Variants in NLRP3 observed in about 807,000 individuals in gnomAD.
NLRP3 encodes the protein NLR family pyrin domain containing 3.
In NLRP3, 48 loss-of-function variants were observed where a neutral mutation model predicts 91.3. The observed-to-expected ratio is 0.53, with a 90% CI of 0.42 to 0.67. NLRP3 has a LOEUF of 0.67. Among genes scored for constraint, NLRP3 ranks in the 30% least tolerant of loss-of-function variants. The pLI is 0.00. For missense variants in NLRP3, 982 were observed against 1,276.9 expected (o/e 0.77, Z 3.52); for synonymous variants, 561 against 507.9 (o/e 1.10, Z -1.41).
intron 1 of NLRP3, among the ~76,000 whole-genome samples, chr1:247,417,479 T>A (rs1169543375): frequency 6.6e-6 from 1 of 152,154 alleles, no homozygotes. Flanking sequence ...TTTATTTTAT[T>A]TTATTCTATT....
chr1:247,421,462 A>G (rs1483661482), intron 2 of NLRP3, among the ~76,000 whole-genome samples: 1 of 152,202 alleles, frequency 6.6e-6, no homozygotes, highest in Non-Finnish European at 1.5e-5. Flanking sequence ...CTCTAAGTAA[A>G]TAAAGCAATT....
intron 3 of NLRP3, 62 bp downstream of exon 3, chr1:247,423,411 A>G: frequency 6.2e-7 from 1 of 1,601,370 alleles, no homozygotes; most frequent in Admixed American, 1.7e-5. Flanking sequence ...GGCTCTGGGA[A>G]GCTGAGCAGC....
chr1:247,418,563 A>C lies in NLRP3; in HGVS notation c.-238A>C, dbSNP rs1270726857. ...GTGATCTGCCTGCCTTGGCCTCTCA[A>C]AGTGCTGGGATTACAGGCGTGAGCC... On this transcript the variant is annotated 5_prime_UTR_variant, in exon 2 of 10. Transcript: ENST00000336119. 1.9e-6 allele frequency: 1 copy of C among 518,170 alleles called. No individual in the cohort carries two copies. Among genetic ancestry groups the C allele is most frequent in the Non-Finnish European group, 3.5e-6 (1 of 288,356 alleles). 32.1% of individuals were successfully genotyped at this position (518,170 alleles called of 1,614,324 possible).
In NLRP3 at chr1:247,424,620, AG is replaced by A; in HGVS notation, c.1174del (p.Ala392GlnfsTer5). ...FKYFSDEAQA[R>X]AAFSLIQENE... is the part of the protein sequence containing the mutation. Reference sequence around the variant, plus strand: ...GTACTTCTCTGATGAGGCCCAAGCCAGGGCAGCCTTCAGTCTGATTCAGGAG... The same window carrying A: ...GTACTTCTCTGATGAGGCCCAAGCCAGGCAGCCTTCAGTCTGATTCAGGAG... On this transcript the variant is annotated frameshift_variant, in exon 4 of 10. Coordinates refer to ENST00000336119, the MANE Select transcript of NLRP3 (RefSeq NM_001243133.2). LOFTEE classifies it high-confidence loss of function. The surrounding 1 kb of genome is among the most constrained non-coding windows in gnomAD (Gnocchi z 8.1). 2 of 1,614,256 alleles carry A rather than the reference AG, an allele frequency of 1.2e-6. No homozygotes were observed. Among genetic ancestry groups the A allele is most frequent in the Non-Finnish European group, 1.7e-6 (2 of 1,180,046 alleles).
At position 247,428,896 on chromosome 1, in the gene NLRP3, C is replaced by CTT. The variant is rs1174663389; in HGVS notation, c.2151-676_2151-675dup. Among the ~76,000 whole-genome samples the CTT allele has an allele frequency of 3.0e-3, 413 of 136,550 alleles. 6 individuals are homozygous for CTT. Among genetic ancestry groups the CTT allele is most frequent in the African/African-American group, 6.3e-3 (234 of 37,340 alleles). 89.6% of individuals were successfully genotyped at this position (136,550 alleles called of 152,430 possible). A position where few individuals can be genotyped will look rare whatever the true frequency, so the allele number is the denominator to read the frequency against. On this transcript the variant is annotated intron_variant, in intron 4 of 9. Coordinates refer to ENST00000336119, the MANE Select transcript of NLRP3 (RefSeq NM_001243133.2). ...GGCCTGGGCTTGCGATTTTCTTTTT[C>CTT]TTTTTTTTTTTTTTGAGATGAAGTC...
At chr1:247,443,899 A>C in intron 7 of NLRP3, 73 bp from the exon 8 acceptor site, 1 of 1,467,492 alleles carries the variant, frequency 6.8e-7, no homozygotes, top group South Asian at 1.2e-5. Flanking sequence ...AGGACGAGGC[A>C]CTGAGTCAAA....
At position 247,444,667 on chromosome 1, in the gene NLRP3, C is replaced by T. The variant is rs1664474153; in HGVS notation, c.2851C>T (p.Leu951Phe). 2.5e-6 allele frequency: 4 copies of T among 1,614,024 alleles called. No individual in the cohort carries two copies. The highest frequency in any genetic ancestry group is 3.4e-6 in the Non-Finnish European group (4 of 1,180,016). Residue 951 changes from leucine to phenylalanine, a missense_variant, in exon 9 of 10, where the codon CTC (leucine) becomes TTC (phenylalanine). Leu to Phe is a conservative substitution (Grantham distance 22). Around this residue, in one of 5 missense-constraint regions of NLRP3, gnomAD observed 373 missense variants for 431.5 expected, o/e 0.86. Transcript: ENST00000336119. ...TTTTTGCAGATTAGACAACTGCAAC[C>T]TCACGTCACACTGCTGCTGGGATCT... is the stretch of plus-strand genomic sequence containing the variant. ...LQVLELDNCN[L>F]TSHCCWDLST...
In NLRP3 at chr1:247,436,015, ATCAGTATTGAGCACCAG is replaced by A; in HGVS notation, c.2539_2555del (p.Ser847ProfsTer23). The stretch of plus-strand genomic sequence containing the variant: ...CATCAGCATGTTGTCAGGATCTTGC[ATCAGTATTGAGCACCAG>A]CCATTCCCTGACCAGACTCTATGTG... On this transcript the variant is annotated frameshift_variant, in exon 7 of 10. Transcript: ENST00000336119. LOFTEE classifies it high-confidence loss of function. 1 of 1,614,160 alleles carries A rather than the reference ATCAGTATTGAGCACCAG, an allele frequency of 6.2e-7. No individual in the cohort carries two copies. The highest frequency in any genetic ancestry group is 8.5e-7 in the Non-Finnish European group (1 of 1,180,016).
Position 247,424,611 on chromosome 1 carries a change from G to A in NLRP3, c.1162G>A (p.Ala388Thr), listed in dbSNP as rs1662726962. The A allele has an allele frequency of 6.2e-7, 1 of 1,614,110 alleles. No homozygotes were observed. The highest frequency in any genetic ancestry group is 8.5e-7 in the Non-Finnish European group (1 of 1,180,050). ...EYFFKYFSDE[A>T]QARAAFSLIQ... ...CTTCTTCAAGTACTTCTCTGATGAGGCCCAAGCCAGGGCAGCCTTCAGTCT... is the reference window on the plus strand; with the variant it reads ...CTTCTTCAAGTACTTCTCTGATGAGACCCAAGCCAGGGCAGCCTTCAGTCT... Residue 388 changes from alanine (A) to threonine (T), a missense_variant, in exon 4 of 10, where the codon GCC becomes ACC. Coordinates refer to ENST00000336119, the MANE Select transcript of NLRP3 (RefSeq NM_001243133.2). This position sits in a 1 kb window ranked among gnomAD's most constrained non-coding sequence, Gnocchi z 8.1.
intron 9 of NLRP3, among the ~76,000 whole-genome samples, chr1:247,447,718 AC>A (rs1474705655): frequency 6.6e-6 from 1 of 152,226 alleles, no homozygotes. Context: ...ATACAGTGAT[AC>A]TAAGAAATTA....
At chr1:247,430,260 G>A (rs6699944) in intron 5 of NLRP3, among the ~76,000 whole-genome samples, 26,982 of 152,112 alleles carry the variant, frequency 0.18, 2,394 homozygotes, top group Middle Eastern at 0.24. Context: ...TTCTGAGGCC[G>A]AAAGTCTAAG....
At chr1:247,435,185 G>A (rs780737022) in intron 6 of NLRP3, among the ~76,000 whole-genome samples, 3 of 152,098 alleles carry the variant, frequency 2.0e-5, no homozygotes, top group African/African-American at 4.8e-5. Context: ...GGGAGGCGGG[G>A]GTTGCAGTGA....
intron 6 of NLRP3, 89 bp downstream of exon 6, chr1:247,434,362 G>A (rs1663631470): frequency 1.4e-6 from 2 of 1,418,900 alleles, no homozygotes; most frequent in African/African-American, 1.4e-5. Context: ...GCTGGGGTTT[G>A]AGTGAGAATG....
chr1:247,426,403 G>A (rs942070470), intron 4 of NLRP3, among the ~76,000 whole-genome samples: 7 of 152,156 alleles, frequency 4.6e-5, no homozygotes, highest in Non-Finnish European at 1.0e-4. Flanking sequence ...TGGGTTTATC[G>A]TTCAGTGCCT....
intron 8 of NLRP3, 69 bp from the exon 9 acceptor site, chr1:247,444,582 T>C: frequency 1.3e-6 from 2 of 1,544,358 alleles, no homozygotes; most frequent in Non-Finnish European, 1.8e-6. Context: ...CAGGCTAAGA[T>C]GCTAAAATCT....
intron 2 of NLRP3, among the ~76,000 whole-genome samples, chr1:247,419,413 G>A (rs1018248798): frequency 2.0e-5 from 3 of 152,038 alleles, no homozygotes; most frequent in South Asian, 2.1e-4. Flanking sequence ...CCTCGGCCTC[G>A]CAAAGTGCTG....
chr1:247,430,849 C>T (rs1365018337), intron 5 of NLRP3, among the ~76,000 whole-genome samples: 2 of 151,858 alleles, frequency 1.3e-5, no homozygotes, highest in South Asian at 2.1e-4. Flanking sequence ...TTACTGCAGC[C>T]TCGACCTCCC....
chr1:247,425,658 G>A lies in NLRP3; in HGVS notation c.2150+59G>A, dbSNP rs3738447. ...GCTTCCTCGCCAGCTTCTTCTTGGC[G>A]CTTGCCTCCTCTCATCTCTTTTCAA... On this transcript the variant is annotated intron_variant, in intron 4 of 9. Transcript: ENST00000336119. This position sits in a 1 kb window ranked among gnomAD's most constrained non-coding sequence, Gnocchi z 4.1. 0.076 allele frequency: 115,019 copies of A among 1,509,452 alleles called. 5,911 individuals carry two copies. Among genetic ancestry groups the A allele is most frequent in the African/African-American group, 0.25 (18,422 of 73,140 alleles). 93.5% of individuals were successfully genotyped at this position (1,509,452 alleles called of 1,614,324 possible). A position where few individuals can be genotyped will look rare whatever the true frequency, so the allele number is the denominator to read the frequency against.
At chr1:247,433,906 T>G (rs113966299) in intron 5 of NLRP3, among the ~76,000 whole-genome samples, 197 bp from the exon 6 acceptor site, 932 of 21,636 alleles carry the variant, frequency 0.043, no homozygotes, top group African/African-American at 0.084. Context: ...TGTGTTCTGA[T>G]GCTTTCTCTA....
Sources: gnomAD v4.1 joint callset for allele counts (sites outside exome capture counted in the v4.1 genomes callset) on GRCh38, gnomAD v4.1.1 for gene constraint, gnomAD v4.1.1 regional missense constraint, Gnocchi (gnomAD v3.1) non-coding constraint, MANE v1.5 for transcripts, NCBI Gene and HGNC (gene_info 2026-07-23, HGNC 2026-07-21) for gene names.